The following LSAMP variants were observed in gnomAD, a reference collection of about 807,000 sequenced individuals.
The protein encoded by LSAMP is limbic system-associated membrane protein.
LSAMP carries 7 observed loss-of-function variants against 38.6 expected under a neutral mutation model. That is an observed-to-expected ratio of 0.18 (90% CI 0.10 to 0.34). The LOEUF (loss-of-function observed/expected upper bound fraction) is 0.34, where lower values mean the gene tolerates loss of function less well. LSAMP is among the 10% of genes least tolerant of loss of function. LSAMP has a pLI of 1.00. For synonymous variants in LSAMP, 154 were observed against 166.8 expected, an observed-to-expected ratio of 0.92 and a Z score of 0.59; for missense variants, 313 against 420.0, an observed-to-expected ratio of 0.75 and a Z score of 2.23.
chr3:116,408,379 A>G (rs925754550), intron 1 of LSAMP, among the ~76,000 whole-genome samples: 1 of 152,140 alleles, frequency 6.6e-6, no homozygotes, highest in Non-Finnish European at 1.5e-5. Context: ...TTTGAAATTG[A>G]CAAATCTACA....
chr3:116,021,291 A>G (rs141202400), intron 2 of LSAMP, among the ~76,000 whole-genome samples: 237 of 152,304 alleles, frequency 1.6e-3, no homozygotes, highest in African/African-American at 4.9e-3. Flanking sequence ...TTTGCAGTGA[A>G]AACCTGAAAG....
At chr3:115,847,755 A>G (rs1167083652) in intron 4 of LSAMP, among the ~76,000 whole-genome samples, 4 of 152,158 alleles carry the variant, frequency 2.6e-5, no homozygotes, top group Non-Finnish European at 5.9e-5. Context: ...CATGATTGTA[A>G]GTTTCCTGAG....
chr3:116,289,366 C>T (rs1313404704), intron 1 of LSAMP, among the ~76,000 whole-genome samples: 3 of 152,124 alleles, frequency 2.0e-5, no homozygotes, highest in Admixed American at 6.5e-5. Flanking sequence ...GTTTAATTTG[C>T]TTAATTTGTT....
chr3:116,252,453 C>T (rs2046696076), intron 1 of LSAMP, among the ~76,000 whole-genome samples: 1 of 152,062 alleles, frequency 6.6e-6, no homozygotes, highest in African/African-American at 2.4e-5. Context: ...AAGACAGATG[C>T]TTATCCAGTC....
At chr3:115,964,953 C>A (rs1476744883) in intron 3 of LSAMP, among the ~76,000 whole-genome samples, 2 of 151,982 alleles carry the variant, frequency 1.3e-5, no homozygotes, top group Non-Finnish European at 2.9e-5. Context: ...ATTAAGATAT[C>A]AGTTATTCTC....
At chr3:115,937,451 G>A (rs4417860) in intron 3 of LSAMP, among the ~76,000 whole-genome samples, 6 of 150,838 alleles carry the variant, frequency 4.0e-5, no homozygotes, top group East Asian at 1.9e-4. Flanking sequence ...GACCAGCCTG[G>A]GCAACAAAGT....
At chr3:115,841,137 C>T (rs893916842) in intron 6 of LSAMP, among the ~76,000 whole-genome samples, 1 of 152,314 alleles carries the variant, frequency 6.6e-6, no homozygotes, top group Non-Finnish European at 1.5e-5. Flanking sequence ...AAGATGGGGT[C>T]TCCTATTAAC....
At chr3:116,437,474 T>C (rs1224818272) in intron 1 of LSAMP, among the ~76,000 whole-genome samples, 2 of 152,112 alleles carry the variant, frequency 1.3e-5, no homozygotes, top group East Asian at 1.9e-4. Context: ...TACAGACAGA[T>C]AGTAGACATG....
At chr3:115,996,681 A>G (rs1187244957) in intron 3 of LSAMP, among the ~76,000 whole-genome samples, 3 of 152,162 alleles carry the variant, frequency 2.0e-5, no homozygotes, top group Non-Finnish European at 4.4e-5. Context: ...AGTCCATACA[A>G]ATCTCATTAT....
chr3:116,015,967 C>T (rs1040986471), intron 3 of LSAMP, among the ~76,000 whole-genome samples: 1 of 152,070 alleles, frequency 6.6e-6, no homozygotes, highest in Non-Finnish European at 1.5e-5. Context: ...AAGACAGTCA[C>T]ACTCTGTACT....
intron 1 of LSAMP, among the ~76,000 whole-genome samples, chr3:116,317,565 T>C (rs115506840): frequency 0.025 from 3,759 of 151,636 alleles, 76 homozygotes; most frequent in African/African-American, 0.06. Context: ...CCGTGTTAGC[T>C]AGGATAGTCT....
intron 3 of LSAMP, among the ~76,000 whole-genome samples, chr3:115,928,968 T>G (rs1409391152): frequency 1.3e-4 from 10 of 77,574 alleles, no homozygotes; most frequent in Non-Finnish European, 5.9e-5. Flanking sequence ...GCAGGTTTTT[T>G]GTTTGTTTTT....
chr3:116,099,991 C>T (rs1576361930), intron 1 of LSAMP, among the ~76,000 whole-genome samples: 1 of 150,130 alleles, frequency 6.7e-6, no homozygotes, highest in African/African-American at 2.5e-5. Flanking sequence ...TTCCACTTTA[C>T]TTTGGTTCTT....
intron 3 of LSAMP, among the ~76,000 whole-genome samples, chr3:115,873,626 G>T (rs1306920965): frequency 1.3e-5 from 2 of 151,986 alleles, no homozygotes; most frequent in South Asian, 2.1e-4. Context: ...TAGAGTATTA[G>T]AACTCAATTT....
intron 2 of LSAMP, among the ~76,000 whole-genome samples, chr3:116,048,589 T>C (rs748054078): frequency 6.6e-5 from 10 of 152,212 alleles, no homozygotes; most frequent in Non-Finnish European, 1.5e-4. Context: ...AACAAGTCTT[T>C]TGTGTGAGCT....
intron 1 of LSAMP, among the ~76,000 whole-genome samples, chr3:116,367,500 T>G (rs978116700): frequency 1.3e-5 from 2 of 151,168 alleles, no homozygotes; most frequent in African/African-American, 4.9e-5. Flanking sequence ...TCTTCCTTTT[T>G]TTTTTTTTTT....
intron 1 of LSAMP, among the ~76,000 whole-genome samples, chr3:116,220,350 G>GACACACACACACAC (rs10575234): frequency 2.2e-5 from 3 of 138,592 alleles, no homozygotes; most frequent in South Asian, 2.4e-4. Flanking sequence ...ATTTGCATAT[G>GACACACACACACAC]ACACACACAC....
intron 6 of LSAMP, among the ~76,000 whole-genome samples, chr3:115,824,362 T>C (rs1447967003): frequency 6.6e-6 from 1 of 152,160 alleles, no homozygotes; most frequent in Non-Finnish European, 1.5e-5. Flanking sequence ...CTTTGACCTT[T>C]GTTGTAATTA....
chr3:116,141,767 C>T (rs1331398622), intron 1 of LSAMP, among the ~76,000 whole-genome samples: 3 of 151,882 alleles, frequency 2.0e-5, no homozygotes, highest in African/African-American at 4.8e-5. Context: ...GTGAGAGCTC[C>T]GGAGCTAAAA....
Sources: gnomAD v4.1 joint callset for allele counts (sites outside exome capture counted in the v4.1 genomes callset) on GRCh38, gnomAD v4.1.1 for gene constraint, MANE v1.5 for transcripts, NCBI Gene and HGNC (gene_info 2026-07-23, HGNC 2026-07-21) for gene names.